Variants in PTK2 observed in about 807,000 individuals in gnomAD.
PTK2 encodes protein tyrosine kinase 2.
PTK2 carries 45 observed loss-of-function variants against 150.1 expected under a neutral mutation model. That is an observed-to-expected ratio of 0.30 (90% CI 0.24 to 0.38). The LOEUF is 0.38. PTK2 is among the 10% of genes least tolerant of loss of function. The pLI is 1.00. For synonymous variants in PTK2, 432 were observed against 449.2 expected (o/e 0.96, Z 0.48); for missense variants, 919 against 1,307.3 (o/e 0.70, Z 4.58).
intron 3 of PTK2, among the ~76,000 whole-genome samples, chr8:140,880,979 G>A (rs1600316933): frequency 6.6e-6 from 1 of 152,166 alleles, no homozygotes; most frequent in Non-Finnish European, 1.5e-5. Context: ...AAGTGGCAGA[G>A]AGAGGGACAA....
intron 2 of PTK2, among the ~76,000 whole-genome samples, chr8:140,921,578 T>A (rs539169872): frequency 8.5e-5 from 13 of 152,356 alleles, no homozygotes; most frequent in African/African-American, 3.1e-4. Flanking sequence ...GGTACCCAAA[T>A]ATTTTTGCTG....
At chr8:140,955,025 T>C (rs1009504465) in intron 1 of PTK2, among the ~76,000 whole-genome samples, 6 of 152,328 alleles carry the variant, frequency 3.9e-5, no homozygotes, top group South Asian at 2.1e-4. Flanking sequence ...GAAGGAAATA[T>C]ACATGAAATA....
intron 1 of PTK2, among the ~76,000 whole-genome samples, chr8:140,979,772 A>G (rs1257572628): frequency 1.3e-5 from 2 of 152,098 alleles, no homozygotes; most frequent in Non-Finnish European, 2.9e-5. Flanking sequence ...TGGTTTTATA[A>G]GGGGGAGTTC....
At chr8:140,894,715 C>T (rs148477957) in intron 2 of PTK2, among the ~76,000 whole-genome samples, 9 of 151,994 alleles carry the variant, frequency 5.9e-5, no homozygotes, top group Non-Finnish European at 4.4e-5. Flanking sequence ...GCAAAATAAC[C>T]CCACAAAGTA....
chr8:140,775,354 G>A (rs2100077807), intron 14 of PTK2, among the ~76,000 whole-genome samples: 1 of 152,118 alleles, frequency 6.6e-6, no homozygotes, highest in African/African-American at 2.4e-5. Context: ...GCGTGGTGGT[G>A]TGTGCTTGTA....
At chr8:140,749,323 G>A (rs570057469) in intron 17 of PTK2, among the ~76,000 whole-genome samples, 25 of 152,198 alleles carry the variant, frequency 1.6e-4, no homozygotes, top group Middle Eastern at 3.4e-3. Context: ...TCAATTTACT[G>A]TAAGTAACTA....
intron 5 of PTK2, among the ~76,000 whole-genome samples, chr8:140,847,860 C>T (rs1025743690): frequency 2.6e-5 from 4 of 152,144 alleles, no homozygotes; most frequent in African/African-American, 9.7e-5. Context: ...GAGTCCCACC[C>T]CCAGTTAACT....
At position 140,845,267 on chromosome 8, in the gene PTK2, G is replaced by A. The variant is rs551469572; in HGVS notation, c.593+993C>T. ...AAAGGCCAAGTCCAGACTCTTTGAA[G>A]AATGTACTAGATAGGTAATGACCTG... On this transcript the variant is annotated intron_variant, in intron 7 of 31. Transcript: ENST00000522684. Among the ~76,000 whole-genome samples, 4 of 152,234 alleles carry A rather than the reference G, an allele frequency of 2.6e-5. No individual in the cohort carries two copies. In the South Asian group the frequency reaches 8.3e-4, roughly 32 times the overall value.
At chr8:141,000,238 G>C (rs2100199558) in intron 1 of PTK2, among the ~76,000 whole-genome samples, 1 of 152,216 alleles carries the variant, frequency 6.6e-6, no homozygotes, top group South Asian at 2.1e-4. Context: ...GGGCGGGGAA[G>C]AGGAGAAAAC....
intron 14 of PTK2, among the ~76,000 whole-genome samples, chr8:140,772,039 C>G (rs1228805561): frequency 6.6e-6 from 1 of 151,840 alleles, no homozygotes; most frequent in South Asian, 2.1e-4. Context: ...TCTGCGCACA[C>G]TGGCCTCCCA....
At chr8:140,808,365 C>T (rs2100099339) in intron 10 of PTK2, among the ~76,000 whole-genome samples, 1 of 152,158 alleles carries the variant, frequency 6.6e-6, no homozygotes, top group Admixed American at 6.5e-5. Context: ...GTGAGAAGTG[C>T]AGTGCAAGGA....
At chr8:140,673,608 AAAG>A (rs1273927801) in intron 29 of PTK2, among the ~76,000 whole-genome samples, 1 of 152,212 alleles carries the variant, frequency 6.6e-6, no homozygotes, top group Non-Finnish European at 1.5e-5. Context: ...ACAGGCTAGA[AAAG>A]AAGAGCCTCC....
At chr8:140,746,468 A>G (rs1038188492) in intron 18 of PTK2, 4 of 262,862 alleles carry the variant, frequency 1.5e-5, no homozygotes, top group African/African-American at 6.6e-5. Context: ...TTTTTAGGCA[A>G]TGGCACCAGA....
rs565678002 is a variant in PTK2, at chr8:140,980,752, C to CT, written c.-122+20372dup. On this transcript the variant is annotated intron_variant, in intron 1 of 31. Coordinates refer to ENST00000522684, the Ensembl canonical transcript of PTK2. Reference sequence around the variant, plus strand: ...ACTTTTCCTCTTTCCGGCTCTAAAGCTTTTTTTTTTTTTTTTGAGACAGAG... The same window carrying CT: ...ACTTTTCCTCTTTCCGGCTCTAAAGCTTTTTTTTTTTTTTTTTGAGACAGAG... Among the ~76,000 whole-genome samples the CT allele has an allele frequency of 5.8e-3, 807 of 138,914 alleles. 5 individuals carry two copies. Among genetic ancestry groups the CT allele is most frequent in the African/African-American group, 0.01 (384 of 37,980 alleles). The allele number at this position is 138,914 out of a possible 152,430, so 91.1% of individuals were successfully genotyped here. A position where few individuals can be genotyped will look rare whatever the true frequency, so the allele number is the denominator to read the frequency against.
chr8:140,908,080 A>C (rs968679995), intron 2 of PTK2, among the ~76,000 whole-genome samples: 12 of 152,234 alleles, frequency 7.9e-5, no homozygotes, highest in Admixed American at 7.9e-4. Context: ...CAAGTTGTGA[A>C]TGCAAAGGAA....
At chr8:140,972,020 T>C (rs1466455012) in intron 1 of PTK2, among the ~76,000 whole-genome samples, 1 of 152,220 alleles carries the variant, frequency 6.6e-6, no homozygotes, top group Non-Finnish European at 1.5e-5. Context: ...TGAACTGCTA[T>C]CAGTATTTCG....
intron 22 of PTK2, among the ~76,000 whole-genome samples, chr8:140,725,462 G>A (rs2100045188): frequency 6.6e-6 from 1 of 152,232 alleles, no homozygotes; most frequent in Non-Finnish European, 1.5e-5. Flanking sequence ...GCTGTCATGA[G>A]AAGGAAGAGA....
At chr8:140,901,842 G>A (rs2100158605) in intron 2 of PTK2, among the ~76,000 whole-genome samples, 1 of 151,868 alleles carries the variant, frequency 6.6e-6, no homozygotes, top group East Asian at 1.9e-4. Context: ...GGTGTGTGAT[G>A]TTCCCCTCCC....
chr8:140,913,452 C>T (rs538015435), intron 2 of PTK2, among the ~76,000 whole-genome samples: 2 of 152,026 alleles, frequency 1.3e-5, no homozygotes, highest in East Asian at 3.9e-4. Flanking sequence ...CACGCCACTA[C>T]ACCCAGCTAA....
Sources: gnomAD v4.1 joint callset for allele counts (sites outside exome capture counted in the v4.1 genomes callset) on GRCh38, gnomAD v4.1.1 for gene constraint, MANE v1.5 for transcripts, NCBI Gene and HGNC (gene_info 2026-07-23, HGNC 2026-07-21) for gene names.